Variants in CC2D2B observed in about 807,000 individuals in gnomAD.
CC2D2B encodes protein CC2D2B.
Under a neutral mutation model 161.2 loss-of-function variants are expected in CC2D2B, and 128 were observed. That is an observed-to-expected ratio of 0.79 (90% CI 0.69 to 0.92). The LOEUF is 0.92. Among genes scored for constraint, CC2D2B ranks in the 40% least tolerant of loss-of-function variants. CC2D2B has a pLI of 0.00. For synonymous variants in CC2D2B, 391 were observed against 449.8 expected (o/e 0.87, Z 1.65); for missense variants, 1,173 against 1,375.1 (o/e 0.85, Z 2.32).
At position 95,908,712 on chromosome 10, in the gene CC2D2B, TTCTC is replaced by T. The variant is rs1457831246; in HGVS notation, c.-24+659_-24+662del. On this transcript the variant is annotated intron_variant, in intron 1 of 34. Transcript: ENST00000646931. ...TTCAGAAAGGGCCTCCTGGTTGACTTTCTCTCTAATTGAGGCTATAAGTATAGAC... is the reference window on the plus strand; with the variant it reads ...TTCAGAAAGGGCCTCCTGGTTGACTTTCTAATTGAGGCTATAAGTATAGAC... 2.6e-5 allele frequency among the ~76,000 whole-genome samples: 4 copies of T among 151,094 alleles called. No individual in the cohort carries two copies. In the East Asian group the frequency reaches 7.7e-4, roughly 29 times the overall value.
intron 2 of CC2D2B, 48 bp from the exon 3 acceptor site, chr10:95,921,968 C>A: frequency 1.0e-6 from 1 of 992,282 alleles, no homozygotes; most frequent in Non-Finnish European, 1.5e-6. Context: ...AAAAGATGTT[C>A]AGTGACAAAA....
At chr10:95,941,185 A>T (rs932614950) in intron 9 of CC2D2B, among the ~76,000 whole-genome samples, 1 of 152,184 alleles carries the variant, frequency 6.6e-6, no homozygotes, top group East Asian at 1.9e-4. Context: ...ATACACAAAC[A>T]TCAACTCGAG....
intron 5 of CC2D2B, among the ~76,000 whole-genome samples, chr10:95,926,875 C>T (rs745644269): frequency 8.0e-3 from 531 of 66,140 alleles, no homozygotes; most frequent in Non-Finnish European, 0.012. Flanking sequence ...TGTGTGTGTG[C>T]GCGCGCCTGA....
rs1444602580 is a variant in CC2D2B at position 95,924,525 on chromosome 10, C to CTA, written c.174+136_174+137insAT. ...CTTAATTCCTAAAGTCTTCCTCTCT[C>CTA]TCTCTATATATATATTTTCCTTTTG... is the stretch of plus-strand genomic sequence containing the variant. On this transcript the variant is annotated intron_variant, in intron 4 of 34. Coordinates refer to ENST00000646931, the MANE Select transcript of CC2D2B (RefSeq NM_001349008.3). 2.5e-4 allele frequency: 144 copies of CTA among 574,492 alleles called. 1 individual carries two copies. The highest frequency in any genetic ancestry group is 9.9e-4 in the South Asian group (37 of 37,530). The allele number at this position is 574,492 out of a possible 1,614,324, so 35.6% of individuals were successfully genotyped here. A position where few individuals can be genotyped will look rare whatever the true frequency, so the allele number is the denominator to read the frequency against.
intron 32 of CC2D2B, among the ~76,000 whole-genome samples, chr10:96,021,885 A>C (rs2079477181): frequency 6.6e-6 from 1 of 152,218 alleles, no homozygotes; most frequent in Non-Finnish European, 1.5e-5. Flanking sequence ...AGATGTAGCT[A>C]GGTGGTAGGT....
chr10:95,993,788 T>C (rs1395564132), intron 22 of CC2D2B, among the ~76,000 whole-genome samples: 1 of 140,268 alleles, frequency 7.1e-6, no homozygotes, highest in Non-Finnish European at 1.5e-5. Context: ...ATAGAGTATA[T>C]ATATATAGAG....
intron 1 of CC2D2B, among the ~76,000 whole-genome samples, chr10:95,908,415 T>A (rs2098499886): frequency 1.3e-5 from 2 of 152,198 alleles, no homozygotes; most frequent in African/African-American, 4.8e-5. Flanking sequence ...TGAACAAAAA[T>A]TCGCATTATG....
intron 25 of CC2D2B, among the ~76,000 whole-genome samples, chr10:96,008,912 C>T (rs142565098): frequency 1.3e-5 from 2 of 151,948 alleles, no homozygotes; most frequent in East Asian, 3.9e-4. Context: ...TATCAACTTG[C>T]TTTTGATGTC....
intron 18 of CC2D2B, 82 bp from the exon 19 acceptor site, chr10:95,983,524 C>T: frequency 1.8e-6 from 1 of 568,390 alleles, no homozygotes; most frequent in Non-Finnish European, 2.6e-6. Context: ...ACTCAGATCT[C>T]ACAGTTGGGG....
At position 95,935,438 on chromosome 10, in the gene CC2D2B, C is replaced by A. The variant is rs77232735; in HGVS notation, c.337-2553C>A. Among the ~76,000 whole-genome samples, 756 of 152,168 alleles carry A rather than the reference C, an allele frequency of 5.0e-3. 7 individuals carry two copies. The highest frequency in any genetic ancestry group is 0.017 in the African/African-American group (713 of 41,512). ...CACTATTGTCCCTGTAGTCCATTTT[C>A]CATACCATACAGTCATCACAGTGAC... On this transcript the variant is annotated intron_variant, in intron 6 of 34. Transcript: ENST00000646931.
At position 96,019,318 on chromosome 10, in the gene CC2D2B, G is replaced by T; in HGVS notation, c.3746G>T (p.Cys1249Phe). 5 of 1,608,574 alleles carry T rather than the reference G, an allele frequency of 3.1e-6. No homozygotes were observed. The highest frequency in any genetic ancestry group is 3.4e-6 in the Non-Finnish European group (4 of 1,178,398). The change falls in exon 31 of 35, where the codon TGT (cysteine) becomes TTT (phenylalanine). Residue 1249 changes from cysteine (C) to phenylalanine (F), a missense_variant. By Grantham distance (205) the Cys-to-Phe change is radical. This residue lies in a region of CC2D2B where 598 missense variants were observed against 693.2 expected (regional missense o/e 0.86). Coordinates refer to ENST00000646931, the MANE Select transcript of CC2D2B (RefSeq NM_001349008.3). ...DPFCPLKSVD[C>F]LFDDRNVWFN... ...TTTTGTCCCTTAAAAAGTGTAGATT[G>T]TTTGTTTGATGATAGAAATGTAAGT...
At chr10:95,989,431 A>T (rs1421289084) in intron 20 of CC2D2B, among the ~76,000 whole-genome samples, 1 of 152,094 alleles carries the variant, frequency 6.6e-6, no homozygotes, top group Non-Finnish European at 1.5e-5. Flanking sequence ...CCCCTTTATC[A>T]CTGGCAGCTG....
chr10:95,928,221 T>G (rs2098543054), intron 6 of CC2D2B, among the ~76,000 whole-genome samples: 1 of 113,708 alleles, frequency 8.8e-6, no homozygotes, highest in Non-Finnish European at 1.8e-5. Flanking sequence ...TATTGTTGTT[T>G]TTTGCACAAT....
chr10:95,997,136 G>T (rs1217347076), intron 24 of CC2D2B, among the ~76,000 whole-genome samples: 2 of 152,106 alleles, frequency 1.3e-5, no homozygotes, highest in Middle Eastern at 3.2e-3. Context: ...CAGATACTCT[G>T]TTATGGCAGC....
At position 95,924,224 on chromosome 10, in the gene CC2D2B, A is replaced by G. The variant is rs1023117666; in HGVS notation, c.98-90A>G. The G allele has an allele frequency of 2.2e-5, 14 of 633,088 alleles. No homozygotes were observed. The East Asian group carries it at 4.2e-4, about 19-fold the overall frequency. 39.2% of individuals were successfully genotyped at this position (633,088 alleles called of 1,614,324 possible). A position where few individuals can be genotyped will look rare whatever the true frequency, so the allele number is the denominator to read the frequency against. ...GTCATGAGGCTTAGAAATGCATGCA[A>G]TTAAAGAATTTAATAAATACTTTTG... On this transcript the variant is annotated intron_variant, in intron 3 of 34. Transcript: ENST00000646931.
rs938404629 is a variant in CC2D2B at position 95,924,834 on chromosome 10, A to C, written c.230A>C (p.Gln77Pro). Residue 77 changes from glutamine (Q) to proline (P), a missense_variant, in exon 5 of 35, where the codon CAA becomes CCA. Physicochemically the swap from Gln to Pro is moderately conservative, Grantham distance 76. This residue lies in a region of CC2D2B where 298 missense variants were observed against 261.2 expected (regional missense o/e 1.14). Transcript: ENST00000646931. ...TEQLIDSEIH[Q>P]RSKLSPQTEV... ...CAGCTCATTGATAGCGAAATACATC[A>C]AAGGTCCAAGGTGAATAACTTTTCT... 4 of 1,545,134 alleles carry C rather than the reference A, an allele frequency of 2.6e-6. No individual in the cohort carries two copies. The African/African-American group carries it at 5.5e-5, about 21-fold the overall frequency.
intron 19 of CC2D2B, among the ~76,000 whole-genome samples, chr10:95,986,742 G>A (rs1231768637): frequency 1.3e-5 from 2 of 151,892 alleles, no homozygotes; most frequent in African/African-American, 4.8e-5. Context: ...GGCTACAGGT[G>A]TGCGCTGTCA....
Position 95,996,142 on chromosome 10 carries a change from G to A in CC2D2B, c.2740-1G>A, listed in dbSNP as rs765681335. ...TAGTCAATGTTTATTATGTGTTTCAGGATACTGTACATCCATTCGTGGAAG... is the reference window on the plus strand; with the variant it reads ...TAGTCAATGTTTATTATGTGTTTCAAGATACTGTACATCCATTCGTGGAAG... On this transcript the variant is annotated splice_acceptor_variant, in intron 23 of 34. Coordinates refer to ENST00000646931, the MANE Select transcript of CC2D2B (RefSeq NM_001349008.3). LOFTEE classifies it high-confidence loss of function. 1.7e-4 allele frequency: 237 copies of A among 1,400,976 alleles called. No homozygotes were observed. Among genetic ancestry groups the A allele is most frequent in the Non-Finnish European group, 2.0e-4 (206 of 1,039,070 alleles). The allele number at this position is 1,400,976 out of a possible 1,614,324, so 86.8% of individuals were successfully genotyped here.
At chr10:95,953,299 C>T (rs2076464469) in intron 10 of CC2D2B, among the ~76,000 whole-genome samples, 2 of 152,118 alleles carry the variant, frequency 1.3e-5, no homozygotes, top group South Asian at 2.1e-4. Flanking sequence ...AACTCCTGGG[C>T]TCAAGTGATG....
Sources: gnomAD v4.1 joint callset for allele counts (sites outside exome capture counted in the v4.1 genomes callset) on GRCh38, gnomAD v4.1.1 for gene constraint, gnomAD v4.1.1 regional missense constraint, MANE v1.5 for transcripts, NCBI Gene and HGNC (gene_info 2026-07-23, HGNC 2026-07-21) for gene names.